Variants in LDAH observed in about 807,000 individuals in gnomAD.
LDAH encodes the protein lipid droplet-associated hydrolase.
A neutral mutation model predicts 29.6 loss-of-function variants in LDAH; 26 were observed. That is an observed-to-expected ratio of 0.88 (90% confidence interval 0.64 to 1.22). The LOEUF is 1.22. Ranked by LOEUF, LDAH falls within the 50% of genes most tolerant of loss-of-function variation. The pLI, the probability that LDAH is intolerant of heterozygous loss-of-function variation, is 0.00. For missense variants in LDAH, 344 were observed against 387.3 expected (o/e 0.89, Z 0.94); for synonymous variants, 117 against 133.0 (o/e 0.88, Z 0.83).
At chr2:20,774,781 C>T (rs1338765532) in intron 4 of LDAH, 29 bp downstream of exon 4, 8 of 1,610,540 alleles carry the variant, frequency 5.0e-6, no homozygotes, top group Non-Finnish European at 6.8e-6. Context: ...CAGTCCAGCA[C>T]CCACAGTTAC....
chr2:20,758,363 G>A (rs1668469419), intron 4 of LDAH, among the ~76,000 whole-genome samples: 1 of 152,066 alleles, frequency 6.6e-6, no homozygotes, highest in Non-Finnish European at 1.5e-5. Flanking sequence ...ACAATAAAAT[G>A]GAAATTTTAT....
At chr2:20,707,540 T>C (rs1664398897) in intron 5 of LDAH, among the ~76,000 whole-genome samples, 1 of 152,164 alleles carries the variant, frequency 6.6e-6, no homozygotes, top group Non-Finnish European at 1.5e-5. Flanking sequence ...TGGTTTTTGG[T>C]AGGGCAGAGT....
chr2:20,690,471 C>T (rs1279495987), intron 6 of LDAH, among the ~76,000 whole-genome samples: 1 of 152,154 alleles, frequency 6.6e-6, no homozygotes, highest in Non-Finnish European at 1.5e-5. Context: ...TTTTCTTTTA[C>T]AAGTTCTTTT....
At chr2:20,783,410 G>C in intron 3 of LDAH, among the ~76,000 whole-genome samples, 1 of 152,188 alleles carries the variant, frequency 6.6e-6, no homozygotes, top group East Asian at 1.9e-4. Flanking sequence ...AAGGATTGCT[G>C]ATGTTTCCAC....
chr2:20,707,205 G>T (rs1301556473), intron 5 of LDAH, among the ~76,000 whole-genome samples: 1 of 152,120 alleles, frequency 6.6e-6, no homozygotes, highest in Non-Finnish European at 1.5e-5. Context: ...TACTCCTATA[G>T]CTCAAAGCCC....
At chr2:20,694,662 C>A (rs12467020) in intron 6 of LDAH, among the ~76,000 whole-genome samples, 1 of 152,126 alleles carries the variant, frequency 6.6e-6, no homozygotes, top group Admixed American at 6.5e-5. Context: ...AAATGCTTCC[C>A]GCCCGTGAAC....
chr2:20,701,631 C>A lies in LDAH; in HGVS notation c.725G>T (p.Gly242Val). The change falls in exon 6 of 7, where the codon GGC (glycine) becomes GTC (valine). Residue 242 changes from glycine (G) to valine (V), a missense_variant. Transcript: ENST00000237822. ...CTTCACCACCTCCATCATTTCTTGG[C>A]CCCCAAGGTAGGCAGCATTAGCTAC... ...FCLANAAYLG[G>V]QEMMEVVKRD... 6.2e-7 allele frequency: 1 copy of A among 1,613,914 alleles called. No homozygotes were observed. The highest frequency in any genetic ancestry group is 8.5e-7 in the Non-Finnish European group (1 of 1,179,906).
At chr2:20,718,596 T>C (rs957183532) in intron 5 of LDAH, among the ~76,000 whole-genome samples, 2 of 152,132 alleles carry the variant, frequency 1.3e-5, no homozygotes, top group Non-Finnish European at 1.5e-5. Flanking sequence ...CTTTTGGCAA[T>C]AGATAGATTA....
chr2:20,727,203 C>G (rs754624114), intron 5 of LDAH, among the ~76,000 whole-genome samples: 1 of 151,976 alleles, frequency 6.6e-6, no homozygotes, highest in Non-Finnish European at 1.5e-5. Flanking sequence ...ATAGCAAGAC[C>G]CTGTCTCTAA....
intron 1 of LDAH, among the ~76,000 whole-genome samples, chr2:20,818,809 A>G (rs193065179): frequency 6.6e-6 from 1 of 152,320 alleles, no homozygotes; most frequent in African/African-American, 2.4e-5. Flanking sequence ...CCAAAAAACA[A>G]ACTGCAAAAT....
chr2:20,771,267 A>G (rs572335526), intron 4 of LDAH, among the ~76,000 whole-genome samples: 2 of 152,238 alleles, frequency 1.3e-5, no homozygotes, highest in African/African-American at 4.8e-5. Context: ...AAATATTACA[A>G]AGAGCTGAAC....
intron 5 of LDAH, among the ~76,000 whole-genome samples, chr2:20,722,377 C>CAAAAAAAAA (rs141440507): frequency 1.4e-5 from 1 of 70,842 alleles, no homozygotes; most frequent in South Asian, 5.6e-4. Context: ...GAAACTGTCT[C>CAAAAAAAAA]AAAAAAAAAA....
In LDAH at chr2:20,789,046, C is replaced by T. The variant is rs1439841254; in HGVS notation, c.298+1209G>A. ...AACTGGCCCTGCTTAGCAGTAACAT[C>T]GCTATTAAATCTTGCTCCCTTCTGT... On this transcript the variant is annotated intron_variant, in intron 3 of 6. Coordinates refer to ENST00000237822, the MANE Select transcript of LDAH (RefSeq NM_021925.4). 1.0e-5 allele frequency: 14 copies of T among 1,346,830 alleles called. No homozygotes were observed. In the South Asian group the frequency reaches 1.4e-4, roughly 13 times the overall value. The allele number at this position is 1,346,830 out of a possible 1,614,324, so 83.4% of individuals were successfully genotyped here. A position where few individuals can be genotyped will look rare whatever the true frequency, so the allele number is the denominator to read the frequency against.
In LDAH at chr2:20,757,789, CT is replaced by C. The variant is rs879391237; in HGVS notation, c.468+17020del. On this transcript the variant is annotated intron_variant, in intron 4 of 6. Coordinates refer to ENST00000237822, the MANE Select transcript of LDAH (RefSeq NM_021925.4). ...CTGCCTGACCACCTTCAAGCTAGGA[CT>C]TTTTTTTTTTTCTGTCTTCAGACTC... 4.9e-3 allele frequency among the ~76,000 whole-genome samples: 724 copies of C among 147,150 alleles called. 4 individuals carry two copies. The highest frequency in any genetic ancestry group is 0.014 in the African/African-American group (571 of 40,410).
At chr2:20,745,390 A>G (rs7567938) in intron 4 of LDAH, among the ~76,000 whole-genome samples, 63,861 of 151,986 alleles carry the variant, frequency 0.42, 15,027 homozygotes, top group African/African-American at 0.63. Context: ...TTTGATTTGC[A>G]TTTCTCTGAT....
At chr2:20,703,458 C>T (rs1664093163) in intron 5 of LDAH, among the ~76,000 whole-genome samples, 1 of 152,204 alleles carries the variant, frequency 6.6e-6, no homozygotes, top group Non-Finnish European at 1.5e-5. Flanking sequence ...CCATTCCTTC[C>T]TGCCATCTTC....
At chr2:20,790,030 T>C (rs1670836578) in intron 3 of LDAH, among the ~76,000 whole-genome samples, 1 of 152,158 alleles carries the variant, frequency 6.6e-6, no homozygotes. Flanking sequence ...AATTGGTAAA[T>C]AAAGAAGGCA....
At chr2:20,702,915 C>T (rs193290186) in intron 5 of LDAH, among the ~76,000 whole-genome samples, 325 of 152,332 alleles carry the variant, frequency 2.1e-3, no homozygotes, top group Non-Finnish European at 3.8e-3. Flanking sequence ...TCACGGCCAC[C>T]TCCCAGGTTC....
intron 1 of LDAH, among the ~76,000 whole-genome samples, chr2:20,815,261 CAAAG>C (rs1558505677): frequency 6.6e-6 from 1 of 151,654 alleles, no homozygotes; most frequent in Non-Finnish European, 1.5e-5. Context: ...GAAAAACAGA[CAAAG>C]AAACAAGAAA....
Sources: allele counts gnomAD v4.1 joint callset (sites outside exome capture counted in the v4.1 genomes callset), GRCh38; gene constraint gnomAD v4.1.1; transcripts MANE v1.5; gene names NCBI Gene and HGNC (gene_info 2026-07-23, HGNC 2026-07-21).